TAOK1: variants seen among roughly 807,000 people sequenced by gnomAD.
TAOK1 encodes TAO kinase 1.
A neutral mutation model predicts 138.3 loss-of-function variants in TAOK1; 21 were observed. The ratio of observed to expected loss-of-function variants is 0.15; its 90% CI spans 0.11 to 0.22. The LOEUF is 0.22. TAOK1 is among the 10% of genes least tolerant of loss of function. The probability of loss-of-function intolerance (pLI) is 1.00; values close to 1 mark genes in which losing one functional copy is unlikely to be tolerated. For missense variants in TAOK1, 651 were observed against 1,227.7 expected, an observed-to-expected ratio of 0.53 and a Z score of 7.02; for synonymous variants, 361 against 398.4, an observed-to-expected ratio of 0.91 and a Z score of 1.12.
In TAOK1 at chr17:29,542,852, C is replaced by A. The variant is rs1221077048; in HGVS notation, c.2836C>A (p.His946Asn). ...PMQGGPQPWG[H>N]PSGPMQGVPR... ...GCAAGGTGGACCCCAGCCATGGGGT[C>A]ACCCTTCAGGGCCAATGCAAGGGGT... Residue 946 changes from histidine to asparagine, a missense_variant, in exon 20 of 20, where the codon CAC becomes AAC. Physicochemically the swap from His to Asn is moderately conservative, Grantham distance 68. Transcript: ENST00000261716. 1 of 1,614,132 alleles carries A rather than the reference C, an allele frequency of 6.2e-7. No individual in the cohort carries two copies. Among genetic ancestry groups the A allele is most frequent in the Non-Finnish European group, 8.5e-7 (1 of 1,179,986 alleles).
intron 15 of TAOK1, among the ~76,000 whole-genome samples, chr17:29,516,376 G>T (rs370147990): frequency 1.3e-5 from 2 of 150,504 alleles, no homozygotes; most frequent in Non-Finnish European, 3.0e-5. Context: ...ACTCTGTCAC[G>T]CAGGCTGGAG....
chr17:29,524,317 C>A (rs1444965120), intron 17 of TAOK1, among the ~76,000 whole-genome samples: 1 of 152,070 alleles, frequency 6.6e-6, no homozygotes, highest in Non-Finnish European at 1.5e-5. Context: ...ATTTTAAAGC[C>A]AACAGCACCG....
chr17:29,413,415 A>G (rs551649409), intron 1 of TAOK1, among the ~76,000 whole-genome samples: 3 of 152,150 alleles, frequency 2.0e-5, no homozygotes, highest in African/African-American at 7.2e-5. Context: ...GGGCAACATG[A>G]CAAAATCCTG....
intron 2 of TAOK1, among the ~76,000 whole-genome samples, chr17:29,461,254 GATATT>G (rs1349068737): frequency 1.3e-5 from 2 of 152,126 alleles, no homozygotes; most frequent in Non-Finnish European, 2.9e-5. Flanking sequence ...TCTGGATAAT[GATATT>G]ATATCAGTGC....
intron 1 of TAOK1, among the ~76,000 whole-genome samples, chr17:29,401,116 TGTTG>T (rs959275122): frequency 1.3e-5 from 2 of 152,050 alleles, no homozygotes; most frequent in African/African-American, 2.4e-5. Flanking sequence ...GGTCTTGCTA[TGTTG>T]CCCAGGATGG....
chr17:29,441,772 C>G (rs1456153486), intron 1 of TAOK1, among the ~76,000 whole-genome samples: 1 of 151,908 alleles, frequency 6.6e-6, no homozygotes, highest in Non-Finnish European at 1.5e-5. Flanking sequence ...GGTGTGCGCG[C>G]CTGTAGTCCC....
Position 29,410,726 on chromosome 17 carries a change from C to G in TAOK1, c.-95+19702C>G, listed in dbSNP as rs557396211. 6.7e-5 allele frequency among the ~76,000 whole-genome samples: 10 copies of G among 149,162 alleles called. No homozygotes were observed. The South Asian group carries it at 1.9e-3, about 28-fold the overall frequency. The stretch of plus-strand genomic sequence containing the variant: ...CGGCTCACTGCTGCAACCTCTGCCT[C>G]CTGGGTTCAAGCGATTCTCCTGCCT... On this transcript the variant is annotated intron_variant, in intron 1 of 19. Transcript: ENST00000261716.
At chr17:29,528,704 G>A (rs1463007330) in intron 17 of TAOK1, among the ~76,000 whole-genome samples, 1 of 151,806 alleles carries the variant, frequency 6.6e-6, no homozygotes, top group Non-Finnish European at 1.5e-5. Context: ...GCTGGGCTTG[G>A]TGGTGCAAGC....
intron 1 of TAOK1, among the ~76,000 whole-genome samples, chr17:29,396,368 A>G (rs749831083): frequency 3.3e-5 from 5 of 152,180 alleles, no homozygotes; most frequent in Non-Finnish European, 4.4e-5. Context: ...CTGGCATGTA[A>G]ATAAAGTAAG....
chr17:29,518,592 T>C (rs1409310861), intron 16 of TAOK1, among the ~76,000 whole-genome samples: 1 of 152,222 alleles, frequency 6.6e-6, no homozygotes, highest in Non-Finnish European at 1.5e-5. Flanking sequence ...GTAGGGAGGT[T>C]GTTCCTGACT....
chr17:29,477,477 TA>T (rs1216315253), intron 4 of TAOK1, among the ~76,000 whole-genome samples, 183 bp from the exon 5 acceptor site: 2 of 151,688 alleles, frequency 1.3e-5, no homozygotes, highest in Non-Finnish European at 1.5e-5. Context: ...TATTTTTTAT[TA>T]AAAAATTTTA....
intron 1 of TAOK1, among the ~76,000 whole-genome samples, chr17:29,392,482 T>G (rs1387313907): frequency 6.6e-6 from 1 of 152,210 alleles, no homozygotes; most frequent in Non-Finnish European, 1.5e-5. Context: ...CAGATCATCT[T>G]ATCTGGTTTA....
Position 29,451,695 on chromosome 17 carries a change from C to G in TAOK1, c.132+15C>G. On this transcript the variant is annotated intron_variant, in intron 2 of 19. Coordinates refer to ENST00000261716, the MANE Select transcript of TAOK1 (RefSeq NM_020791.4). ...CAGTGTATTTTGTAAGTGTTAGTGG[C>G]TTGATGTCAGTGACTAAAATTTACT... 2.5e-6 allele frequency: 4 copies of G among 1,604,026 alleles called. No individual in the cohort carries two copies. The highest frequency in any genetic ancestry group is 3.4e-6 in the Non-Finnish European group (4 of 1,176,210).
intron 1 of TAOK1, among the ~76,000 whole-genome samples, chr17:29,399,920 C>T (rs924960463): frequency 2.0e-5 from 3 of 151,816 alleles, no homozygotes; most frequent in Admixed American, 1.3e-4. Context: ...TTAGTACAGA[C>T]GAGATCTCAC....
At chr17:29,429,434 C>A (rs552373436) in intron 1 of TAOK1, among the ~76,000 whole-genome samples, 4 of 152,066 alleles carry the variant, frequency 2.6e-5, no homozygotes, top group African/African-American at 9.6e-5. Context: ...GCCACCAGGA[C>A]CGGCTAATTT....
intron 7 of TAOK1, among the ~76,000 whole-genome samples, chr17:29,481,654 A>G (rs531634666): frequency 5.8e-4 from 89 of 152,148 alleles, no homozygotes; most frequent in African/African-American, 2.0e-3. Flanking sequence ...AATGATGGAT[A>G]GTGAAAATAA....
At chr17:29,461,085 C>T (rs867248549) in intron 2 of TAOK1, among the ~76,000 whole-genome samples, 6 of 151,844 alleles carry the variant, frequency 4.0e-5, no homozygotes, top group African/African-American at 9.7e-5. Flanking sequence ...AAGATTCTAA[C>T]GAGAAAACAA....
At chr17:29,491,699 C>A in intron 9 of TAOK1, 85 bp from the exon 10 acceptor site, 1 of 924,698 alleles carries the variant, frequency 1.1e-6, no homozygotes, top group Non-Finnish European at 1.8e-6. Flanking sequence ...ATTTCCCCTC[C>A]CACCAATAGG....
At position 29,467,142 on chromosome 17, in the gene TAOK1, T is replaced by G. The variant is rs1224252348; in HGVS notation, c.133-3T>G. On this transcript the variant is annotated splice_region_variant and splice_polypyrimidine_tract_variant and intron_variant, in intron 2 of 19. Coordinates refer to ENST00000261716, the MANE Select transcript of TAOK1 (RefSeq NM_020791.4). ...AGTGCTTCTTTCTTTCTTTCTTCTTTAGGCACGAGATGTGCGTACCAATGA... is the reference window on the plus strand; with the variant it reads ...AGTGCTTCTTTCTTTCTTTCTTCTTGAGGCACGAGATGTGCGTACCAATGA... 1 of 1,579,496 alleles carries G rather than the reference T, an allele frequency of 6.3e-7. No individual in the cohort carries two copies. The highest frequency in any genetic ancestry group is 8.6e-7 in the Non-Finnish European group (1 of 1,161,710).
Sources: allele counts gnomAD v4.1 joint callset (sites outside exome capture counted in the v4.1 genomes callset), GRCh38; gene constraint gnomAD v4.1.1; transcripts MANE v1.5; gene names NCBI Gene and HGNC (gene_info 2026-07-23, HGNC 2026-07-21).